GREB1L: variants seen among roughly 807,000 people sequenced by gnomAD.
The protein encoded by GREB1L is GREB1-like protein.
Under a neutral mutation model 200.8 loss-of-function variants are expected in GREB1L, and 17 were observed. The ratio of observed to expected loss-of-function variants is 0.08; its 90% CI spans 0.06 to 0.13. The LOEUF (loss-of-function observed/expected upper bound fraction) is 0.13, where lower values mean the gene tolerates loss of function less well. Ranked by LOEUF, GREB1L falls within the 10% of genes least tolerant of loss-of-function variation. GREB1L has a pLI of 1.00. For missense variants in GREB1L, 1,657 were observed against 2,367.7 expected (o/e 0.70, Z 6.23); for synonymous variants, 789 against 893.0 (o/e 0.88, Z 2.08).
chr18:21,283,659 A>G (rs976984823), intron 1 of GREB1L, among the ~76,000 whole-genome samples: 10 of 152,098 alleles, frequency 6.6e-5, no homozygotes, highest in African/African-American at 2.4e-4. Context: ...CTCAGCATCT[A>G]GGAAACACCT....
At chr18:21,342,592 C>T (rs72881360) in intron 1 of GREB1L, among the ~76,000 whole-genome samples, 30 of 152,256 alleles carry the variant, frequency 2.0e-4, no homozygotes, top group Non-Finnish European at 2.9e-4. Context: ...CTTTACCAGA[C>T]GCTCACTGCT....
At chr18:21,282,335 A>G (rs1190760781) in intron 1 of GREB1L, among the ~76,000 whole-genome samples, 1 of 152,194 alleles carries the variant, frequency 6.6e-6, no homozygotes, top group Non-Finnish European at 1.5e-5. Flanking sequence ...TCTATAAAGT[A>G]TAAATGGTGT....
In GREB1L at chr18:21,490,366, G is replaced by T; in HGVS notation, c.3030+15G>T. The T allele has an allele frequency of 1.9e-6, 3 of 1,539,330 alleles. No individual in the cohort carries two copies. Among genetic ancestry groups the T allele is most frequent in the South Asian group, 1.2e-5 (1 of 83,394 alleles). On this transcript the variant is annotated intron_variant, in intron 19 of 32. Transcript: ENST00000424526. ...CGCGATTAAAGGTTAGCAATGGACA[G>T]ACATTTCTCCTTTAAAATACCATTT...
At chr18:21,405,017 T>C (rs2030005915) in intron 7 of GREB1L, among the ~76,000 whole-genome samples, 2 of 152,220 alleles carry the variant, frequency 1.3e-5, no homozygotes, top group Admixed American at 1.3e-4. Context: ...TATTAGAATA[T>C]GTTAGCAGCA....
chr18:21,403,841 T>A lies in GREB1L; in HGVS notation c.710-31T>A, dbSNP rs1248986764. The A allele has an allele frequency of 1.5e-5, 23 of 1,541,470 alleles. No individual in the cohort carries two copies. In the Admixed American group the frequency reaches 4.5e-4, roughly 30 times the overall value. Reference sequence around the variant, plus strand: ...CCTGTTTTAACAGAACATTGGTCACTTCATACAATGTGATTTTTACTCTTT... The same window carrying A: ...CCTGTTTTAACAGAACATTGGTCACATCATACAATGTGATTTTTACTCTTT... On this transcript the variant is annotated intron_variant, in intron 6 of 32. Transcript: ENST00000424526.
In GREB1L at chr18:21,268,558, CACATATATATATATAT is replaced by C. The variant is rs1384008111; in HGVS notation, c.-120+26167_-120+26182del. On this transcript the variant is annotated intron_variant, in intron 1 of 32. Transcript: ENST00000424526. ...ACACACACACACACACACACACACA[CACATATATATATATAT>C]ATATATATATATATATATACATGTA... Among the ~76,000 whole-genome samples the C allele has an allele frequency of 3.7e-3, 318 of 86,660 alleles. 1 individual carries two copies. Among genetic ancestry groups the C allele is most frequent in the African/African-American group, 0.017 (264 of 15,676 alleles). 56.9% of individuals were successfully genotyped at this position (86,660 alleles called of 152,430 possible). A position where few individuals can be genotyped will look rare whatever the true frequency, so the allele number is the denominator to read the frequency against.
intron 15 of GREB1L, among the ~76,000 whole-genome samples, chr18:21,463,106 G>C (rs1486578099): frequency 6.9e-6 from 1 of 145,672 alleles, no homozygotes; most frequent in Non-Finnish European, 1.5e-5. Context: ...TCATAGGAGA[G>C]AGCCGATAGG....
chr18:21,268,177 GAGCAC>G (rs1317241894), intron 1 of GREB1L, among the ~76,000 whole-genome samples: 1 of 151,952 alleles, frequency 6.6e-6, no homozygotes, highest in Non-Finnish European at 1.5e-5. Flanking sequence ...GGTGCTTGAT[GAGCAC>G]AGCGGAATCA....
chr18:21,515,758 T>A, intron 29 of GREB1L, 114 bp downstream of exon 29: 1 of 778,112 alleles, frequency 1.3e-6, no homozygotes, highest in East Asian at 2.7e-5. Flanking sequence ...GCTGACTCTT[T>A]ATGTGGGCAA....
At chr18:21,293,264 G>A (rs1427775129) in intron 1 of GREB1L, among the ~76,000 whole-genome samples, 1 of 152,160 alleles carries the variant, frequency 6.6e-6, no homozygotes, top group Non-Finnish European at 1.5e-5. Context: ...ATACACTCTG[G>A]TTCTACGATT....
chr18:21,268,511 G>GTATATATATACATATATATATGTATA (rs2038011056), intron 1 of GREB1L, among the ~76,000 whole-genome samples: 2 of 67,152 alleles, frequency 3.0e-5, no homozygotes, highest in African/African-American at 9.7e-5. Flanking sequence ...ATATATATAT[G>GTATATATATACATATATATATGTATA]TATATATATA....
At chr18:21,518,376 A>G in intron 31 of GREB1L, 142 bp downstream of exon 31, 1 of 761,364 alleles carries the variant, frequency 1.3e-6, no homozygotes. Context: ...TTTATTAAAG[A>G]TAGTAATACA....
chr18:21,386,593 CTTTTTTTTTT>C (rs35010034), intron 4 of GREB1L, among the ~76,000 whole-genome samples: 1 of 115,134 alleles, frequency 8.7e-6, no homozygotes, highest in African/African-American at 3.7e-5. Context: ...TGGCCAGTAG[CTTTTTTTTTT>C]TTTTTTTTTG....
At chr18:21,384,437 T>G in intron 4 of GREB1L, 34 bp downstream of exon 4, 1 of 1,482,308 alleles carries the variant, frequency 6.7e-7, no homozygotes, top group Non-Finnish European at 9.1e-7. Context: ...TTTGCTATTT[T>G]GTCTCTAATA....
intron 1 of GREB1L, among the ~76,000 whole-genome samples, chr18:21,246,599 A>G (rs1308801646): frequency 6.6e-6 from 1 of 152,218 alleles, no homozygotes; most frequent in Non-Finnish European, 1.5e-5. Flanking sequence ...GCTGTACCAT[A>G]AGCTAGACAT....
intron 15 of GREB1L, among the ~76,000 whole-genome samples, chr18:21,461,275 C>T (rs1482430744): frequency 2.6e-5 from 4 of 152,210 alleles, no homozygotes; most frequent in Non-Finnish European, 4.4e-5. Context: ...AGGAACCTCA[C>T]GCTATTGCTT....
At chr18:21,511,784 C>CTA (rs1363960550) in intron 27 of GREB1L, among the ~76,000 whole-genome samples, 1 of 152,188 alleles carries the variant, frequency 6.6e-6, no homozygotes, top group African/African-American at 2.4e-5. Context: ...GTGGCTAGGA[C>CTA]TATAGGCGTA....
chr18:21,439,461 C>A, intron 7 of GREB1L, 60 bp from the exon 8 acceptor site: 1 of 997,544 alleles, frequency 1.0e-6, no homozygotes, highest in Non-Finnish European at 1.6e-6. Context: ...TTCCAGCATC[C>A]CAGAAAGCAG....
chr18:21,372,483 G>T (rs1450402774), intron 2 of GREB1L, among the ~76,000 whole-genome samples: 3 of 151,912 alleles, frequency 2.0e-5, no homozygotes, highest in East Asian at 1.9e-4. Context: ...TGACACGAGA[G>T]ATTTTTTTTG....
Sources: gnomAD v4.1 joint callset for allele counts (sites outside exome capture counted in the v4.1 genomes callset) on GRCh38, gnomAD v4.1.1 for gene constraint, MANE v1.5 for transcripts, NCBI Gene and HGNC (gene_info 2026-07-23, HGNC 2026-07-21) for gene names.